The following SRGAP1 variants were observed in gnomAD, a reference collection of about 807,000 sequenced individuals.
The protein encoded by SRGAP1 is SLIT-ROBO Rho GTPase activating protein 1, also known as SLIT-ROBO Rho GTPase-activating protein 1.
SRGAP1 carries 43 observed loss-of-function variants against 121.9 expected under a neutral mutation model. The observed-to-expected ratio is 0.35, with a 90% CI of 0.28 to 0.46. SRGAP1 has a LOEUF of 0.46. Ranked by LOEUF, SRGAP1 falls within the 20% of genes least tolerant of loss-of-function variation. The pLI, the probability that SRGAP1 is intolerant of heterozygous loss-of-function variation, is 1.00. For synonymous variants in SRGAP1, 447 were observed against 485.4 expected, an observed-to-expected ratio of 0.92 and a Z score of 1.04; for missense variants, 1,102 against 1,350.9, an observed-to-expected ratio of 0.82 and a Z score of 2.89.
chr12:64,035,133 G>A (rs946890841), intron 4 of SRGAP1, among the ~76,000 whole-genome samples: 4 of 95,650 alleles, frequency 4.2e-5, no homozygotes, highest in Non-Finnish European at 7.4e-5. Context: ...TGGGAACTGA[G>A]AAACAGAGAC....
chr12:63,881,816 T>G (rs1156444562), intron 1 of SRGAP1, among the ~76,000 whole-genome samples: 2 of 152,220 alleles, frequency 1.3e-5, no homozygotes, highest in Non-Finnish European at 2.9e-5. Context: ...TTTATATGCA[T>G]TAATCTATTC....
chr12:64,027,192 C>G (rs12305604), intron 4 of SRGAP1, among the ~76,000 whole-genome samples: 3,382 of 152,204 alleles, frequency 0.022, 152 homozygotes, highest in African/African-American at 0.076. Context: ...ATTTTCCCAA[C>G]AACCATGGGA....
intron 1 of SRGAP1, among the ~76,000 whole-genome samples, chr12:63,906,235 T>A (rs1345687771): frequency 1.2e-4 from 18 of 152,246 alleles, no homozygotes; most frequent in Admixed American, 1.2e-3. Flanking sequence ...AATTGCTGAT[T>A]AGTATCTCAT....
intron 1 of SRGAP1, among the ~76,000 whole-genome samples, chr12:63,975,189 AC>A (rs2033060185): frequency 6.6e-6 from 1 of 152,244 alleles, no homozygotes; most frequent in African/African-American, 2.4e-5. Flanking sequence ...AGTTAAGGAA[AC>A]ATGAGCTCCA....
chr12:64,142,853 G>T lies in SRGAP1; in HGVS notation c.*181G>T. 1 of 838,392 alleles carries T rather than the reference G, an allele frequency of 1.2e-6. No individual in the cohort carries two copies. The highest frequency in any genetic ancestry group is 1.8e-6 in the Non-Finnish European group (1 of 553,450). The allele number at this position is 838,392 out of a possible 1,614,324, so 51.9% of individuals were successfully genotyped here. On this transcript the variant is annotated 3_prime_UTR_variant, in exon 22 of 22. Coordinates refer to ENST00000355086, the MANE Select transcript of SRGAP1 (RefSeq NM_020762.4). ...AAATTAACACGGGCATTTGTATTTTGTAATTTTTTTAAATAACTGGACATA... is the reference window on the plus strand; with the variant it reads ...AAATTAACACGGGCATTTGTATTTTTTAATTTTTTTAAATAACTGGACATA...
chr12:63,998,098 A>G (rs543383013), intron 3 of SRGAP1, among the ~76,000 whole-genome samples: 34 of 152,260 alleles, frequency 2.2e-4, no homozygotes, highest in Non-Finnish European at 4.1e-4. Context: ...CCTTTGTGAC[A>G]TACTATATAT....
At chr12:63,927,918 C>G (rs1437004040) in intron 1 of SRGAP1, among the ~76,000 whole-genome samples, 3 of 152,166 alleles carry the variant, frequency 2.0e-5, no homozygotes, top group Admixed American at 2.0e-4. Context: ...AGCCAACGTG[C>G]ATTCAATATG....
At chr12:64,097,475 T>G in intron 15 of SRGAP1, 100 bp downstream of exon 15, 2 of 1,157,112 alleles carry the variant, frequency 1.7e-6, no homozygotes, top group Non-Finnish European at 2.4e-6. Flanking sequence ...CCACCCCCAT[T>G]ACCCCATTAC....
intron 1 of SRGAP1, among the ~76,000 whole-genome samples, chr12:63,865,730 C>T (rs1199244782): frequency 6.6e-6 from 1 of 152,160 alleles, no homozygotes; most frequent in Non-Finnish European, 1.5e-5. Context: ...TGGGCCTTTC[C>T]TATTGACCAG....
rs1272510395 is a variant in SRGAP1, at chr12:64,128,096, T to C, written c.2776T>C (p.Ser926Pro). 6 of 1,614,048 alleles carry C rather than the reference T, an allele frequency of 3.7e-6. No individual in the cohort carries two copies. The Admixed American group carries it at 1.0e-4, about 27-fold the overall frequency. Residue 926 changes from serine (S) to proline (P), a missense_variant, in exon 21 of 22, where the codon TCC becomes CCC. Physicochemically the swap from Ser to Pro is moderately conservative, Grantham distance 74. This residue lies in a region of SRGAP1 where 315 missense variants were observed against 343.1 expected (regional missense o/e 0.92). Coordinates refer to ENST00000355086, the MANE Select transcript of SRGAP1 (RefSeq NM_020762.4). ...GSLTNISRHDSLKKIDSPPIR... is the reference protein window; with the variant it reads ...GSLTNISRHDPLKKIDSPPIR... The stretch of plus-strand genomic sequence containing the variant: ...CCTGACCAACATCAGCCGGCACGAC[T>C]CCCTCAAGAAGATCGACAGCCCTCC...
chr12:63,927,285 C>T (rs2031295640), intron 1 of SRGAP1, among the ~76,000 whole-genome samples: 1 of 152,314 alleles, frequency 6.6e-6, no homozygotes, highest in East Asian at 1.9e-4. Flanking sequence ...ACACCTCAAA[C>T]TTTACAAGTG....
At chr12:63,965,537 A>G (rs2032766266) in intron 1 of SRGAP1, among the ~76,000 whole-genome samples, 1 of 152,092 alleles carries the variant, frequency 6.6e-6, no homozygotes, top group Non-Finnish European at 1.5e-5. Context: ...TGGGTGTGGT[A>G]GCTCACACCT....
chr12:63,943,104 A>C (rs1301835758), intron 1 of SRGAP1, among the ~76,000 whole-genome samples: 1 of 152,204 alleles, frequency 6.6e-6, no homozygotes, highest in African/African-American at 2.4e-5. Context: ...GAAGTATGCC[A>C]CTGTACCAGG....
chr12:63,885,846 A>G lies in SRGAP1; in HGVS notation c.67+40963A>G, dbSNP rs945373251. ...CCAGGAACCATGGATGAATGCCTAC[A>G]CACACACAAAATCATAATATCACAG... On this transcript the variant is annotated intron_variant, in intron 1 of 21. Coordinates refer to ENST00000355086, the MANE Select transcript of SRGAP1 (RefSeq NM_020762.4). Among the ~76,000 whole-genome samples the G allele has an allele frequency of 2.6e-5, 4 of 152,284 alleles. No homozygotes were observed. In the East Asian group the frequency reaches 7.7e-4, roughly 29 times the overall value.
chr12:63,857,404 C>T (rs188789213), intron 1 of SRGAP1, among the ~76,000 whole-genome samples: 4 of 133,136 alleles, frequency 3.0e-5, no homozygotes, highest in South Asian at 4.8e-4. Flanking sequence ...TTTTTTGAGA[C>T]GAAGTCTTGC....
At chr12:64,055,741 C>T (rs1163303022) in intron 6 of SRGAP1, among the ~76,000 whole-genome samples, 2 of 152,126 alleles carry the variant, frequency 1.3e-5, no homozygotes, top group Non-Finnish European at 2.9e-5. Context: ...GAAGCTGCAC[C>T]AATCTGGTTT....
intron 1 of SRGAP1, among the ~76,000 whole-genome samples, chr12:63,895,466 T>C (rs979018895): frequency 6.6e-6 from 1 of 152,346 alleles, no homozygotes; most frequent in Middle Eastern, 3.4e-3. Flanking sequence ...TTTGGAAATG[T>C]ACTGGACAGA....
chr12:64,140,258 GT>G (rs1320597855), intron 21 of SRGAP1, among the ~76,000 whole-genome samples: 2 of 146,674 alleles, frequency 1.4e-5, no homozygotes, highest in African/African-American at 5.2e-5. Context: ...CCTGAAAGTA[GT>G]TTTTTCCAAT....
chr12:64,088,516 G>A (rs999761208), intron 11 of SRGAP1, among the ~76,000 whole-genome samples: 9 of 152,324 alleles, frequency 5.9e-5, no homozygotes, highest in African/African-American at 1.7e-4. Context: ...GGCATCCTCT[G>A]TAGGAAACCA....
Sources: allele counts gnomAD v4.1 joint callset (sites outside exome capture counted in the v4.1 genomes callset), GRCh38; gene constraint gnomAD v4.1.1; regional missense constraint gnomAD v4.1.1; transcripts MANE v1.5; gene names NCBI Gene and HGNC (gene_info 2026-07-23, HGNC 2026-07-21).